Variants in TTLL4 observed in about 807,000 individuals in gnomAD.
TTLL4 encodes tubulin monoglutamylase TTLL4.
A neutral mutation model predicts 122.7 loss-of-function variants in TTLL4; 85 were observed. That is an observed-to-expected ratio of 0.69 (90% CI 0.58 to 0.83). TTLL4 has a LOEUF of 0.83. Among genes scored for constraint, TTLL4 ranks in the 40% least tolerant of loss-of-function variants. The pLI is 0.00. For missense variants in TTLL4, 1,363 were observed against 1,488.6 expected (o/e 0.92, Z 1.39); for synonymous variants, 553 against 563.0 (o/e 0.98, Z 0.25).
downstream of TTLL4, among the ~76,000 whole-genome samples, chr2:218,756,269 C>G (rs1178362115): frequency 6.6e-6 from 1 of 152,006 alleles, no homozygotes; most frequent in Non-Finnish European, 1.5e-5. Context: ...AATCCCTGTA[C>G]AACACAACCA....
chr2:218,723,962 CTAATTT>C (rs1249890557), intron 1 of TTLL4, among the ~76,000 whole-genome samples: 1 of 152,090 alleles, frequency 6.6e-6, no homozygotes, highest in African/African-American at 2.4e-5. Flanking sequence ...ATTATCAATG[CTAATTT>C]TTTGAATATA....
At chr2:218,749,764 G>A (rs955569562) in intron 14 of TTLL4, among the ~76,000 whole-genome samples, 26 of 152,288 alleles carry the variant, frequency 1.7e-4, no homozygotes, top group African/African-American at 6.3e-4. Flanking sequence ...ACCACGCCCA[G>A]CCAGTTGTTC....
rs753259294 is a variant in TTLL4, at chr2:218,747,114, T to C, written c.2086T>C (p.Ser696Pro). The change falls in exon 9 of 20, where the codon TCC becomes CCC. Residue 696 changes from serine (S) to proline (P), a missense_variant. Around this residue, in one of 3 missense-constraint regions of TTLL4, gnomAD observed 596 missense variants for 655.8 expected, o/e 0.91. Coordinates refer to ENST00000392102, the MANE Select transcript of TTLL4 (RefSeq NM_014640.5). The surrounding 1 kb of genome is among the most constrained non-coding windows in gnomAD (Gnocchi z 4.7). ...GAAGGAGTTCAGTTTCTTCCCCCAG[T>C]CCTTTATCCTGCCCCAGGACGCCAA... is the stretch of plus-strand genomic sequence containing the variant. The part of the protein sequence containing the change: ...GKKEFSFFPQ[S>P]FILPQDAKLL... 5.0e-6 allele frequency: 8 copies of C among 1,614,056 alleles called. No individual in the cohort carries two copies. In the South Asian group the frequency reaches 8.8e-5, roughly 18 times the overall value.
chr2:218,747,553 C>T lies in TTLL4; in HGVS notation c.2250-44C>T, dbSNP rs1403866484. Reference sequence around the variant, plus strand: ...CCTGTGGCTTGGTTACCCACTGAGCCCCATCATCTGGCTGTATGAGAAGCT... The same window carrying T: ...CCTGTGGCTTGGTTACCCACTGAGCTCCATCATCTGGCTGTATGAGAAGCT... On this transcript the variant is annotated intron_variant, in intron 10 of 19. Transcript: ENST00000392102. The surrounding 1 kb of genome is among the most constrained non-coding windows in gnomAD (Gnocchi z 4.7). 1.2e-6 allele frequency: 2 copies of T among 1,607,774 alleles called. No individual in the cohort carries two copies. The highest frequency in any genetic ancestry group is 1.7e-6 in the Non-Finnish European group (2 of 1,176,024).
At chr2:218,718,036 G>A (rs537402417) in intron 1 of TTLL4, among the ~76,000 whole-genome samples, 1 of 152,270 alleles carries the variant, frequency 6.6e-6, no homozygotes, top group East Asian at 1.9e-4. Flanking sequence ...TGATCCACCT[G>A]CCTCAGCCTC....
Position 218,754,133 on chromosome 2 carries a change from G to C in TTLL4, c.3345-1G>C, listed in dbSNP as rs1291489473. The C allele has an allele frequency of 6.2e-7, 1 of 1,614,064 alleles. No homozygotes were observed. The highest frequency in any genetic ancestry group is 1.3e-5 in the African/African-American group (1 of 74,998). On this transcript the variant is annotated splice_acceptor_variant, in intron 19 of 19. Transcript: ENST00000392102. LOFTEE classifies it high-confidence loss of function. Reference sequence around the variant, plus strand: ...TTTCTTTCACCACCTATTCCCTCCAGAAAACAAAGCTCCTGTGAGGTTAGC... The same window carrying C: ...TTTCTTTCACCACCTATTCCCTCCACAAAACAAAGCTCCTGTGAGGTTAGC...
chr2:218,715,718 C>T (rs552785545), intron 1 of TTLL4, among the ~76,000 whole-genome samples: 1 of 152,268 alleles, frequency 6.6e-6, no homozygotes, highest in African/African-American at 2.4e-5. Flanking sequence ...CAACCTCCAC[C>T]TTCCTCGTTC....
chr2:218,745,051 AC>A, intron 5 of TTLL4, 57 bp from the exon 6 acceptor site: 3 of 1,593,376 alleles, frequency 1.9e-6, no homozygotes, highest in Non-Finnish European at 1.7e-6. Flanking sequence ...CGTAGTAACG[AC>A]GCTTCAGGGC....
At chr2:218,731,848 C>T (rs1229588625) in intron 2 of TTLL4, among the ~76,000 whole-genome samples, 1 of 152,180 alleles carries the variant, frequency 6.6e-6, no homozygotes, top group Admixed American at 6.5e-5. Context: ...GTGAGGAGGA[C>T]CTAGATTGAG....
chr2:218,737,753 G>GCA lies in TTLL4; in HGVS notation c.80_81dup (p.Val28GlnfsTer23), dbSNP rs1942568076. 10 of 1,613,978 alleles carry GCA rather than the reference G, an allele frequency of 6.2e-6. No homozygotes were observed. The highest frequency in any genetic ancestry group is 8.5e-6 in the Non-Finnish European group (10 of 1,179,858). The stretch of plus-strand genomic sequence containing the variant: ...AGCTTCAAGCAGAGTGGTCCCTCAG[G>GCA]CACAGTACCTGCCACGCCACCTGAG... On this transcript the variant is annotated frameshift_variant, in exon 3 of 20. Coordinates refer to ENST00000392102, the MANE Select transcript of TTLL4 (RefSeq NM_014640.5). LOFTEE classifies it high-confidence loss of function.
intron 1 of TTLL4, among the ~76,000 whole-genome samples, chr2:218,713,606 A>G (rs2106381925): frequency 6.6e-6 from 1 of 152,354 alleles, no homozygotes; most frequent in South Asian, 2.1e-4. Flanking sequence ...TGTAAGGAAC[A>G]CATAGTTTTA....
intron 2 of TTLL4, among the ~76,000 whole-genome samples, chr2:218,730,311 C>CAAAAAAAAAAAAAAAAA (rs548186206): frequency 0.01 from 144 of 14,298 alleles, 48 homozygotes; most frequent in Non-Finnish European, 0.011. Context: ...ACTAAAAATC[C>CAAAAAAAAAAAAAAAAA]AAAAAAAAAA....
chr2:218,730,400 C>T lies in TTLL4; in HGVS notation c.-99+3053C>T, dbSNP rs553837920. ...GCGCGTGCCTGTAGCCCCAGCTACT[C>T]GGGAGGCTGAGGCAGAACAACCACT... On this transcript the variant is annotated intron_variant, in intron 2 of 19. Transcript: ENST00000392102. Among the ~76,000 whole-genome samples the T allele has an allele frequency of 9.6e-4, 140 of 146,274 alleles. 1 individual carries two copies. Among genetic ancestry groups the T allele is most frequent in the African/African-American group, 2.4e-3 (97 of 40,114 alleles).
chr2:218,745,007 G>A, intron 5 of TTLL4, 102 bp from the exon 6 acceptor site: 6 of 1,490,356 alleles, frequency 4.0e-6, no homozygotes, highest in Non-Finnish European at 5.4e-6. Context: ...AGAATCACAA[G>A]TTAAAAGACA....
At chr2:218,730,077 A>G (rs1026071932) in intron 2 of TTLL4, among the ~76,000 whole-genome samples, 1 of 152,158 alleles carries the variant, frequency 6.6e-6, no homozygotes, top group Non-Finnish European at 1.5e-5. Flanking sequence ...TATGTCCTAC[A>G]AATAATGACA....
Position 218,737,745 on chromosome 2 carries a change from T to G in TTLL4, c.69T>G (p.Gly23=). 6.2e-7 allele frequency: 1 copy of G among 1,614,012 alleles called. No individual in the cohort carries two copies. Among genetic ancestry groups the G allele is most frequent in the Admixed American group, 1.7e-5 (1 of 60,012 alleles). ...LRQKNSFKQS[G]PSGTVPATPP... ...AGAAAAACAGCTTCAAGCAGAGTGG[T>G]CCCTCAGGCACAGTACCTGCCACGC... Residue 23 remains glycine (G), a synonymous_variant, in exon 3 of 20, where the codon GGT becomes GGG. Coordinates refer to ENST00000392102, the MANE Select transcript of TTLL4 (RefSeq NM_014640.5).
At chr2:218,726,326 ATT>A (rs774514112) in intron 1 of TTLL4, among the ~76,000 whole-genome samples, 1 of 152,170 alleles carries the variant, frequency 6.6e-6, no homozygotes, top group Non-Finnish European at 1.5e-5. Flanking sequence ...CTTTTAAAAT[ATT>A]GTTTGCCCTT....
At chr2:218,753,726 TC>T in intron 19 of TTLL4, 57 bp downstream of exon 19, 1 of 1,571,300 alleles carries the variant, frequency 6.4e-7, no homozygotes, top group Non-Finnish European at 8.8e-7. Flanking sequence ...AGAGTTTTCT[TC>T]CTTCCCCTCT....
At chr2:218,757,757 A>G (rs1166769047), downstream of TTLL4, among the ~76,000 whole-genome samples, 1 of 152,024 alleles carries the variant, frequency 6.6e-6, no homozygotes, top group Admixed American at 6.5e-5. Flanking sequence ...AGTGAAGGAG[A>G]CTGATCATCT....
Sources: gnomAD v4.1 joint callset for allele counts (sites outside exome capture counted in the v4.1 genomes callset) on GRCh38, gnomAD v4.1.1 for gene constraint, gnomAD v4.1.1 regional missense constraint, Gnocchi (gnomAD v3.1) non-coding constraint, MANE v1.5 for transcripts, NCBI Gene and HGNC (gene_info 2026-07-23, HGNC 2026-07-21) for gene names.